Variants in HSF5 observed in about 807,000 individuals in gnomAD.
HSF5 encodes the protein heat shock factor protein 5.
A neutral mutation model predicts 50.8 loss-of-function variants in HSF5; 5 were observed. That is an observed-to-expected ratio of 0.10 (90% CI 0.05 to 0.21). The LOEUF is 0.21. Among genes scored for constraint, HSF5 ranks in the 10% least tolerant of loss-of-function variants. The pLI, the probability that HSF5 is intolerant of heterozygous loss-of-function variation, is 1.00. For synonymous variants in HSF5, 307 were observed against 307.4 expected (o/e 1.00, Z 0.02); for missense variants, 564 against 762.6 (o/e 0.74, Z 3.07).
At chr17:58,483,615 G>T (rs1975129544) in intron 1 of HSF5, among the ~76,000 whole-genome samples, 1 of 152,144 alleles carries the variant, frequency 6.6e-6, no homozygotes, top group South Asian at 2.1e-4. Context: ...CCAAAAACTT[G>T]CCTCTTGAGA....
intron 5 of HSF5, among the ~76,000 whole-genome samples, chr17:58,434,304 G>A (rs375446830): frequency 2.6e-5 from 4 of 152,170 alleles, no homozygotes; most frequent in South Asian, 2.1e-4. Flanking sequence ...TAGGCCGGGC[G>A]TAGTGGCTCA....
chr17:58,484,364 G>C (rs1302148937), intron 1 of HSF5, among the ~76,000 whole-genome samples: 1 of 152,180 alleles, frequency 6.6e-6, no homozygotes, highest in Non-Finnish European at 1.5e-5. Context: ...AATAAAATCA[G>C]ATGCCAGATG....
At chr17:58,457,895 GT>G (rs1446173100) in intron 5 of HSF5, among the ~76,000 whole-genome samples, 2 of 152,184 alleles carry the variant, frequency 1.3e-5, no homozygotes, top group African/African-American at 4.8e-5. Context: ...ATGATAGACA[GT>G]TTTTAGCCTA....
chr17:58,444,300 C>A (rs973171259), intron 5 of HSF5, among the ~76,000 whole-genome samples: 3 of 152,170 alleles, frequency 2.0e-5, no homozygotes, highest in Non-Finnish European at 4.4e-5. Flanking sequence ...AGTTAGAGGA[C>A]TCACACTTCT....
chr17:58,451,770 T>C (rs115699520), intron 5 of HSF5, among the ~76,000 whole-genome samples: 87 of 151,634 alleles, frequency 5.7e-4, no homozygotes, highest in African/African-American at 1.9e-3. Context: ...TTATATTACA[T>C]CTCAAGGAAC....
At chr17:58,466,675 CT>C in intron 3 of HSF5, among the ~76,000 whole-genome samples, 1 of 151,670 alleles carries the variant, frequency 6.6e-6, no homozygotes, top group East Asian at 1.9e-4. Context: ...CTAGTGGCTA[CT>C]ATATTGAACA....
intron 1 of HSF5, among the ~76,000 whole-genome samples, chr17:58,482,753 G>GA (rs956654995): frequency 1.6e-5 from 1 of 60,808 alleles, no homozygotes; most frequent in African/African-American, 6.1e-5. Flanking sequence ...AAAGAAAAAA[G>GA]AAAAAAAAGG....
chr17:58,449,752 G>A (rs1456242357), intron 5 of HSF5, among the ~76,000 whole-genome samples: 19 of 149,654 alleles, frequency 1.3e-4, no homozygotes, highest in African/African-American at 4.2e-4. Context: ...GGCCGGGCGC[G>A]GTGGCTCACG....
chr17:58,448,409 A>G (rs185785273), intron 5 of HSF5, among the ~76,000 whole-genome samples: 1 of 152,272 alleles, frequency 6.6e-6, no homozygotes, highest in African/African-American at 2.4e-5. Context: ...GCAGATCCCA[A>G]ATGAGACTAC....
At chr17:58,430,928 C>A (rs1055935943) in intron 5 of HSF5, among the ~76,000 whole-genome samples, 1 of 152,194 alleles carries the variant, frequency 6.6e-6, no homozygotes, top group African/African-American at 2.4e-5. Flanking sequence ...GTATAGCCTA[C>A]TACATACTGA....
At chr17:58,431,845 G>A (rs1294236246) in intron 5 of HSF5, among the ~76,000 whole-genome samples, 2 of 152,104 alleles carry the variant, frequency 1.3e-5, no homozygotes, top group East Asian at 1.9e-4. Flanking sequence ...ACCTCTTAGT[G>A]GTTAACTAAA....
intron 2 of HSF5, among the ~76,000 whole-genome samples, chr17:58,478,704 A>C (rs866768197): frequency 6.6e-6 from 1 of 151,158 alleles, no homozygotes; most frequent in African/African-American, 2.4e-5. Flanking sequence ...TCTACTAAAA[A>C]TACAAAAAAT....
chr17:58,429,776 G>T (rs1269175833), intron 5 of HSF5, among the ~76,000 whole-genome samples: 1 of 151,194 alleles, frequency 6.6e-6, no homozygotes, highest in African/African-American at 2.4e-5. Flanking sequence ...AGCCCAGGAG[G>T]TGGAGGTTGC....
At chr17:58,467,275 G>C (rs1188142026) in intron 2 of HSF5, among the ~76,000 whole-genome samples, 2 of 152,194 alleles carry the variant, frequency 1.3e-5, no homozygotes, top group East Asian at 3.9e-4. Context: ...CTTATTGAAA[G>C]TAATTTCATT....
chr17:58,446,442 T>C (rs114195582), intron 5 of HSF5, among the ~76,000 whole-genome samples: 2,351 of 151,888 alleles, frequency 0.015, 79 homozygotes, highest in African/African-American at 0.055. Flanking sequence ...ATGGGGGAGA[T>C]TTTGCATTTG....
intron 1 of HSF5, among the ~76,000 whole-genome samples, chr17:58,482,986 C>A (rs1975120891): frequency 6.6e-6 from 1 of 151,026 alleles, no homozygotes; most frequent in African/African-American, 2.4e-5. Flanking sequence ...CGCTGCTTGA[C>A]TAGCAATTCC....
intron 2 of HSF5, chr17:58,476,310 C>T (rs1975011303): frequency 1.8e-6 from 2 of 1,081,372 alleles, no homozygotes; most frequent in Non-Finnish European, 2.8e-6. Context: ...ATGGGTTTGG[C>T]CAAATACCAT....
intron 5 of HSF5, among the ~76,000 whole-genome samples, chr17:58,441,621 A>G (rs1181676473): frequency 1.3e-5 from 2 of 152,254 alleles, no homozygotes; most frequent in Admixed American, 1.3e-4. Flanking sequence ...TTCCAAAAAA[A>G]AAGCATATCC....
chr17:58,430,147 C>T (rs1187527717), intron 5 of HSF5, among the ~76,000 whole-genome samples: 2 of 152,116 alleles, frequency 1.3e-5, no homozygotes, highest in Non-Finnish European at 2.9e-5. Context: ...AATCTGGGCT[C>T]ACTGCAACCT....
Sources: allele counts gnomAD v4.1 joint callset (sites outside exome capture counted in the v4.1 genomes callset), GRCh38; gene constraint gnomAD v4.1.1; transcripts MANE v1.5; gene names NCBI Gene and HGNC (gene_info 2026-07-23, HGNC 2026-07-21).